The following UNC5C variants were observed in gnomAD, a reference collection of about 807,000 sequenced individuals.
The protein encoded by UNC5C is unc-5 netrin receptor C, also known as netrin receptor UNC5C.
UNC5C carries 47 observed loss-of-function variants against 99.8 expected under a neutral mutation model. The ratio of observed to expected loss-of-function variants is 0.47; its 90% CI spans 0.37 to 0.60. The LOEUF is 0.60. Among genes scored for constraint, UNC5C ranks in the 20% least tolerant of loss-of-function variants. UNC5C has a pLI of 0.00. For synonymous variants in UNC5C, 487 were observed against 452.2 expected (o/e 1.08, Z -0.98); for missense variants, 1,062 against 1,165.9 (o/e 0.91, Z 1.30).
intron 2 of UNC5C, among the ~76,000 whole-genome samples, chr4:95,328,756 T>C (rs952392940): frequency 6.6e-6 from 1 of 151,818 alleles, no homozygotes; most frequent in African/African-American, 2.4e-5. Flanking sequence ...ATGATTGCCA[T>C]TCTAACTGGT....
chr4:95,173,911 A>C (rs1736227886), intron 14 of UNC5C, among the ~76,000 whole-genome samples: 1 of 151,830 alleles, frequency 6.6e-6, no homozygotes, highest in Non-Finnish European at 1.5e-5. Context: ...TATTGCCACA[A>C]TTTCAGCTCC....
chr4:95,493,066 A>T (rs1251408194), intron 1 of UNC5C, among the ~76,000 whole-genome samples: 1 of 151,536 alleles, frequency 6.6e-6, no homozygotes, highest in African/African-American at 2.4e-5. Flanking sequence ...AGCACTCAAC[A>T]TATGACATAT....
intron 1 of UNC5C, among the ~76,000 whole-genome samples, chr4:95,539,754 C>G (rs377149610): frequency 6.6e-6 from 1 of 151,900 alleles, no homozygotes; most frequent in Non-Finnish European, 1.5e-5. Context: ...TAAGAATCGG[C>G]CTGGAAACAC....
intron 1 of UNC5C, among the ~76,000 whole-genome samples, chr4:95,512,790 CA>C (rs780771184): frequency 2.0e-5 from 3 of 151,852 alleles, no homozygotes; most frequent in Non-Finnish European, 4.4e-5. Context: ...TACTACTAAG[CA>C]AAAGTAATTT....
intron 7 of UNC5C, among the ~76,000 whole-genome samples, chr4:95,236,653 A>G (rs1208817270): frequency 6.6e-6 from 1 of 152,090 alleles, no homozygotes; most frequent in African/African-American, 2.4e-5. Flanking sequence ...AATACTTGTA[A>G]TCTCATTATC....
chr4:95,247,746 C>T (rs1739554589), intron 5 of UNC5C, among the ~76,000 whole-genome samples: 1 of 152,192 alleles, frequency 6.6e-6, no homozygotes. Flanking sequence ...AAAGACAACA[C>T]ATTCATTGTA....
chr4:95,274,410 T>C (rs1011928496), intron 4 of UNC5C, among the ~76,000 whole-genome samples: 2 of 152,206 alleles, frequency 1.3e-5, no homozygotes, highest in African/African-American at 4.8e-5. Context: ...TATTAAATCT[T>C]TGGAATAAAG....
intron 1 of UNC5C, among the ~76,000 whole-genome samples, chr4:95,404,904 G>A (rs911747539): frequency 6.6e-6 from 1 of 152,168 alleles, no homozygotes; most frequent in Non-Finnish European, 1.5e-5. Flanking sequence ...AACGCCGAGA[G>A]GAGTCTGGCT....
chr4:95,491,754 G>T (rs1330615077), intron 1 of UNC5C, among the ~76,000 whole-genome samples: 1 of 151,504 alleles, frequency 6.6e-6, no homozygotes, highest in African/African-American at 2.4e-5. Flanking sequence ...ATAAAATGAT[G>T]ATTTTATTTC....
At chr4:95,268,219 G>A (rs191790659) in intron 4 of UNC5C, among the ~76,000 whole-genome samples, 1 of 152,206 alleles carries the variant, frequency 6.6e-6, no homozygotes, top group South Asian at 2.1e-4. Flanking sequence ...GATTACAGGC[G>A]TGAGCCACCG....
intron 10 of UNC5C, among the ~76,000 whole-genome samples, chr4:95,215,825 T>G (rs1738227691): frequency 6.6e-6 from 1 of 152,294 alleles, no homozygotes; most frequent in East Asian, 1.9e-4. Flanking sequence ...GTCTACCCAC[T>G]TGTCTCTCTG....
At chr4:95,271,289 G>A (rs545616476) in intron 4 of UNC5C, among the ~76,000 whole-genome samples, 2 of 151,740 alleles carry the variant, frequency 1.3e-5, no homozygotes, top group South Asian at 2.1e-4. Context: ...GTGCAGTGGC[G>A]CGATCTCGGC....
chr4:95,499,502 C>A (rs892388915), intron 1 of UNC5C, among the ~76,000 whole-genome samples: 4 of 152,072 alleles, frequency 2.6e-5, no homozygotes, highest in African/African-American at 9.7e-5. Context: ...TGACCATTCT[C>A]TTCTCTGGAA....
intron 14 of UNC5C, among the ~76,000 whole-genome samples, chr4:95,171,387 C>T (rs1736099172): frequency 6.9e-6 from 1 of 145,658 alleles, no homozygotes; most frequent in African/African-American, 2.6e-5. Flanking sequence ...TCCCCCCTCC[C>T]ACCTCCCCCT....
intron 15 of UNC5C, 116 bp from the exon 16 acceptor site, chr4:95,169,515 G>T: frequency 8.7e-7 from 1 of 1,151,918 alleles, no homozygotes; most frequent in Non-Finnish European, 1.2e-6. Context: ...CATTGTGGCT[G>T]ACAGTGAGCC....
Position 95,172,035 on chromosome 4 carries a change from T to G in UNC5C, c.2452-1703A>C, listed in dbSNP as rs554094642. Among the ~76,000 whole-genome samples the G allele has an allele frequency of 1.8e-3, 272 of 149,118 alleles. 1 individual carries two copies. Among genetic ancestry groups the G allele is most frequent in the Middle Eastern group, 0.017 (5 of 292 alleles). ...TGTGTTTTTTGGCTGCATAAATGTC[T>G]TCTTTTGAGAAGTGTCTGTTCATGT... On this transcript the variant is annotated intron_variant, in intron 14 of 15. Transcript: ENST00000453304.
intron 1 of UNC5C, among the ~76,000 whole-genome samples, chr4:95,405,157 A>T (rs181304009): frequency 1.8e-4 from 28 of 152,316 alleles, no homozygotes; most frequent in African/African-American, 6.5e-4. Flanking sequence ...CAGAGCGTCC[A>T]TTGAGCCCGT....
chr4:95,378,365 G>C (rs1464894794), intron 1 of UNC5C, among the ~76,000 whole-genome samples: 2 of 149,044 alleles, frequency 1.3e-5, no homozygotes, highest in Non-Finnish European at 3.0e-5. Context: ...TCTCAAATCA[G>C]GCTAGGTTGA....
intron 1 of UNC5C, among the ~76,000 whole-genome samples, chr4:95,376,518 G>A (rs1744900490): frequency 6.6e-6 from 1 of 152,172 alleles, no homozygotes; most frequent in Non-Finnish European, 1.5e-5. Flanking sequence ...ACCTTTAGAA[G>A]CTCCTATTTT....
Sources: allele counts gnomAD v4.1 joint callset (sites outside exome capture counted in the v4.1 genomes callset), GRCh38; gene constraint gnomAD v4.1.1; transcripts MANE v1.5; gene names NCBI Gene and HGNC (gene_info 2026-07-23, HGNC 2026-07-21).